Variants in CAPZA2 observed in about 807,000 individuals in gnomAD.
CAPZA2 encodes the protein capping actin protein of muscle Z-line subunit alpha 2.
Under a neutral mutation model 44.0 loss-of-function variants are expected in CAPZA2, and 13 were observed. That is an observed-to-expected ratio of 0.30 (90% CI 0.19 to 0.47). CAPZA2 has a LOEUF of 0.47. Among genes scored for constraint, CAPZA2 ranks in the 20% least tolerant of loss-of-function variants. CAPZA2 has a pLI of 1.00. For synonymous variants in CAPZA2, 94 were observed against 108.2 expected (o/e 0.87, Z 0.81); for missense variants, 244 against 338.6 (o/e 0.72, Z 2.19).
chr7:116,888,038 G>A, intron 1 of CAPZA2, 89 bp from the exon 2 acceptor site: 1 of 896,212 alleles, frequency 1.1e-6, no homozygotes, highest in Non-Finnish European at 1.8e-6. Context: ...TTTCAGTAGA[G>A]CTTTGAAATA....
chr7:116,880,381 A>G (rs1286061731), intron 1 of CAPZA2, among the ~76,000 whole-genome samples: 1 of 152,036 alleles, frequency 6.6e-6, no homozygotes, highest in Non-Finnish European at 1.5e-5. Context: ...AACTGCAGCA[A>G]TGCCTACTAG....
At chr7:116,876,967 T>C (rs1319301006) in intron 1 of CAPZA2, among the ~76,000 whole-genome samples, 2 of 152,168 alleles carry the variant, frequency 1.3e-5, no homozygotes, top group Non-Finnish European at 2.9e-5. Flanking sequence ...CCATTCATTG[T>C]TTGATAATTC....
intron 4 of CAPZA2, among the ~76,000 whole-genome samples, chr7:116,901,367 T>A (rs1334784800): frequency 6.6e-6 from 1 of 152,150 alleles, no homozygotes; most frequent in African/African-American, 2.4e-5. Flanking sequence ...AGAACATGGA[T>A]GGAGCTGAAG....
intron 1 of CAPZA2, 149 bp downstream of exon 1, chr7:116,862,799 G>C: frequency 2.3e-6 from 2 of 860,906 alleles, no homozygotes; most frequent in Non-Finnish European, 1.7e-6. Flanking sequence ...ACTGCGCCCA[G>C]TGCCTGCCCC....
chr7:116,909,310 C>T (rs1485623398), intron 6 of CAPZA2, among the ~76,000 whole-genome samples: 4 of 151,932 alleles, frequency 2.6e-5, no homozygotes, highest in Non-Finnish European at 5.9e-5. Context: ...ATGTCCTTAG[C>T]GTGCAGAGAG....
At chr7:116,915,942 A>T (rs1374948540) in intron 8 of CAPZA2, 118 bp from the exon 9 acceptor site, 1 of 680,024 alleles carries the variant, frequency 1.5e-6, no homozygotes, top group East Asian at 3.6e-5. Context: ...TATTTATTCT[A>T]TGTCATAATT....
intron 1 of CAPZA2, among the ~76,000 whole-genome samples, chr7:116,874,952 G>T (rs1451026762): frequency 2.6e-5 from 4 of 152,132 alleles, no homozygotes; most frequent in Non-Finnish European, 5.9e-5. Context: ...AGCCAGGTAT[G>T]GTGGTGCTCA....
chr7:116,890,525 AATATATATATATATATATATATAT>A (rs869031070), intron 2 of CAPZA2, among the ~76,000 whole-genome samples: 1 of 27,222 alleles, frequency 3.7e-5, no homozygotes, highest in African/African-American at 1.6e-4. Flanking sequence ...AAAAAAAAAA[AATATATATATATATATATATATAT>A]ATATATATAT....
At chr7:116,910,398 C>T in intron 7 of CAPZA2, 87 bp downstream of exon 7, 2 of 707,734 alleles carry the variant, frequency 2.8e-6, no homozygotes, top group East Asian at 2.7e-5. Context: ...CATAGTATAT[C>T]ATACACATTT....
chr7:116,913,308 AAATATT>A (rs1351220795), intron 8 of CAPZA2, among the ~76,000 whole-genome samples: 1 of 152,132 alleles, frequency 6.6e-6, no homozygotes, highest in African/African-American at 2.4e-5. Context: ...TTGAGATTTG[AAATATT>A]AATAGAAACC....
At chr7:116,900,333 A>G (rs1163453817) in intron 4 of CAPZA2, among the ~76,000 whole-genome samples, 4 of 151,798 alleles carry the variant, frequency 2.6e-5, no homozygotes, top group Middle Eastern at 3.2e-3. Context: ...AAATTTGGAA[A>G]AGAAAACTTA....
intron 1 of CAPZA2, among the ~76,000 whole-genome samples, chr7:116,885,126 A>C (rs1365340353): frequency 1.3e-5 from 2 of 152,156 alleles, no homozygotes; most frequent in Non-Finnish European, 2.9e-5. Flanking sequence ...TTCTGAATAA[A>C]AATCCTTTGT....
At chr7:116,864,431 A>G (rs1796456021) in intron 1 of CAPZA2, among the ~76,000 whole-genome samples, 1 of 152,210 alleles carries the variant, frequency 6.6e-6, no homozygotes, top group Admixed American at 6.6e-5. Flanking sequence ...TGTGCCGCCT[A>G]GTAGCAAAAT....
intron 1 of CAPZA2, among the ~76,000 whole-genome samples, chr7:116,887,362 A>G (rs900404470): frequency 6.6e-6 from 1 of 151,990 alleles, no homozygotes; most frequent in African/African-American, 2.4e-5. Flanking sequence ...TCCCTTCTCT[A>G]TCAAAAATAC....
intron 7 of CAPZA2, 149 bp from the exon 8 acceptor site, chr7:116,911,920 C>A: frequency 3.1e-6 from 4 of 1,310,816 alleles, no homozygotes; most frequent in South Asian, 1.4e-5. Context: ...CAGGAAGAGT[C>A]TTGCTGGAGT....
chr7:116,898,807 C>T lies in CAPZA2; in HGVS notation c.191C>T (p.Pro64Leu). 6.3e-7 allele frequency: 1 copy of T among 1,597,974 alleles called. No homozygotes were observed. Among genetic ancestry groups the T allele is most frequent in the Non-Finnish European group, 8.6e-7 (1 of 1,168,764 alleles). ...FAQYNLDQFT[P>L]VKIEGYEDQV... ...CAGTATAACTTGGACCAGTTTACTC[C>T]AGTAAAAATTGAAGGTTATGAAGAT... is the stretch of plus-strand genomic sequence containing the variant. Residue 64 changes from proline (P) to leucine (L), a missense_variant, in exon 4 of 10, where the codon CCA becomes CTA. Coordinates refer to ENST00000361183, the MANE Select transcript of CAPZA2 (RefSeq NM_006136.3).
At chr7:116,867,859 C>T (rs1796501635) in intron 1 of CAPZA2, among the ~76,000 whole-genome samples, 1 of 152,178 alleles carries the variant, frequency 6.6e-6, no homozygotes, top group Non-Finnish European at 1.5e-5. Flanking sequence ...GCTGGGATTA[C>T]AGGCGTGAGC....
chr7:116,868,008 C>T (rs146427780), intron 1 of CAPZA2, among the ~76,000 whole-genome samples: 234 of 152,284 alleles, frequency 1.5e-3, no homozygotes, highest in African/African-American at 1.9e-3. Flanking sequence ...ATGGGCTTGG[C>T]ATGTAGTAAG....
At chr7:116,888,876 A>G (rs1358584868) in intron 2 of CAPZA2, among the ~76,000 whole-genome samples, 2 of 152,140 alleles carry the variant, frequency 1.3e-5, no homozygotes, top group Non-Finnish European at 2.9e-5. Flanking sequence ...TCATGACCAT[A>G]TATTTTTTGG....
Sources: gnomAD v4.1 joint callset for allele counts (sites outside exome capture counted in the v4.1 genomes callset) on GRCh38, gnomAD v4.1.1 for gene constraint, MANE v1.5 for transcripts, NCBI Gene and HGNC (gene_info 2026-07-23, HGNC 2026-07-21) for gene names.